NRXN3: variants seen among roughly 807,000 people sequenced by gnomAD.
NRXN3 encodes neurexin 3.
In NRXN3, 32 loss-of-function variants were observed where a neutral mutation model predicts 137.6. The observed-to-expected ratio is 0.23, with a 90% CI of 0.18 to 0.31. NRXN3 has a LOEUF of 0.31. Ranked by LOEUF, NRXN3 falls within the 10% of genes least tolerant of loss-of-function variation. NRXN3 has a pLI of 1.00. For synonymous variants in NRXN3, 798 were observed against 784.5 expected, an observed-to-expected ratio of 1.02 and a Z score of -0.29; for missense variants, 1,574 against 2,062.5, an observed-to-expected ratio of 0.76 and a Z score of 4.59.
At chr14:79,641,871 A>G (rs115673774) in intron 16 of NRXN3, among the ~76,000 whole-genome samples, 1,667 of 135,330 alleles carry the variant, frequency 0.012, 136 homozygotes, top group African/African-American at 0.039. Flanking sequence ...AAAGTCTATC[A>G]TTATTCAAAA....
intron 19 of NRXN3, among the ~76,000 whole-genome samples, chr14:79,772,859 A>T (rs2099083424): frequency 6.6e-6 from 1 of 152,182 alleles, no homozygotes; most frequent in African/African-American, 2.4e-5. Flanking sequence ...AATGGGAGAA[A>T]ATTTTCACAA....
intron 15 of NRXN3, among the ~76,000 whole-genome samples, chr14:79,284,343 C>CACATAT (rs1555354907): frequency 1.5e-5 from 1 of 65,086 alleles, no homozygotes; most frequent in Non-Finnish European, 2.9e-5. Flanking sequence ...ACTAAAAATA[C>CACATAT]ATATATATAT....
At position 78,651,152 on chromosome 14, in the gene NRXN3, G is replaced by A. The variant is rs765133705; in HGVS notation, c.1060-13G>A. The A allele has an allele frequency of 5.6e-6, 9 of 1,610,580 alleles. No individual in the cohort carries two copies. The South Asian group carries it at 6.6e-5, about 12-fold the overall frequency. ...TTGTTGGGATTTTTTTTGTCCCTAT[G>A]TCCCTCCACCAGGTGACAATCTCTG... is the stretch of plus-strand genomic sequence containing the variant. On this transcript the variant is annotated splice_polypyrimidine_tract_variant and intron_variant, in intron 5 of 20. Coordinates refer to ENST00000335750, the MANE Select transcript of NRXN3 (RefSeq NM_001330195.2).
At chr14:79,733,674 GT>G (rs57329051) in intron 19 of NRXN3, among the ~76,000 whole-genome samples, 14,034 of 125,040 alleles carry the variant, frequency 0.11, 824 homozygotes, top group South Asian at 0.19. Flanking sequence ...TGCTGTTGTT[GT>G]TTTTTTTTTT....
At chr14:78,437,633 T>C (rs2094117584) in intron 4 of NRXN3, among the ~76,000 whole-genome samples, 1 of 152,158 alleles carries the variant, frequency 6.6e-6, no homozygotes, top group African/African-American at 2.4e-5. Context: ...ACAGGTGTGA[T>C]GAGCCCAGCC....
At chr14:79,498,522 T>A (rs572683607) in intron 16 of NRXN3, among the ~76,000 whole-genome samples, 1 of 152,314 alleles carries the variant, frequency 6.6e-6, no homozygotes, top group South Asian at 2.1e-4. Flanking sequence ...TACAGAGTGA[T>A]CCTTGTCTCA....
intron 4 of NRXN3, among the ~76,000 whole-genome samples, chr14:78,563,498 A>G (rs759866755): frequency 6.6e-6 from 1 of 152,172 alleles, no homozygotes; most frequent in Non-Finnish European, 1.5e-5. Context: ...TCTTACCTAG[A>G]TCCATCCCCT....
intron 4 of NRXN3, among the ~76,000 whole-genome samples, chr14:78,556,534 G>T (rs8003165): frequency 0.31 from 46,757 of 151,774 alleles, 7,385 homozygotes; most frequent in Middle Eastern, 0.35. Flanking sequence ...AAATAATAAT[G>T]CATATACTAA....
intron 15 of NRXN3, among the ~76,000 whole-genome samples, chr14:79,393,329 T>TA (rs1305420543): frequency 6.6e-6 from 1 of 152,170 alleles, no homozygotes; most frequent in Non-Finnish European, 1.5e-5. Context: ...AATATTCCAC[T>TA]TGCCATTTAC....
intron 15 of NRXN3, among the ~76,000 whole-genome samples, chr14:79,106,781 T>C (rs1430547748): frequency 6.6e-6 from 1 of 152,078 alleles, no homozygotes; most frequent in Non-Finnish European, 1.5e-5. Flanking sequence ...CTTATAAAAT[T>C]CACCAAATAG....
intron 4 of NRXN3, among the ~76,000 whole-genome samples, chr14:78,327,432 C>CT (rs1258266292): frequency 1.3e-5 from 2 of 152,110 alleles, no homozygotes; most frequent in African/African-American, 4.8e-5. Context: ...TTCTTAGGAG[C>CT]TTTTTGTAGC....
rs139392061 is a variant in NRXN3 at position 79,241,258 on chromosome 14, A to G, written c.3263-225963A>G. 2.2e-4 allele frequency among the ~76,000 whole-genome samples: 34 copies of G among 152,292 alleles called. 1 individual carries two copies. In the East Asian group the frequency reaches 4.3e-3, roughly 19 times the overall value. On this transcript the variant is annotated intron_variant, in intron 15 of 20. Coordinates refer to ENST00000335750, the MANE Select transcript of NRXN3 (RefSeq NM_001330195.2). The stretch of plus-strand genomic sequence containing the variant: ...ACATAGTCCTCCAGAGTGAGTTACT[A>G]TGTAGCTTAGTTTCATCAAAAAGAG...
chr14:78,501,754 C>T (rs1486846771), intron 4 of NRXN3, among the ~76,000 whole-genome samples: 1 of 152,086 alleles, frequency 6.6e-6, no homozygotes, highest in Non-Finnish European at 1.5e-5. Context: ...TAGCTGTCCA[C>T]CCTTTTTATA....
At chr14:78,483,825 C>T (rs1167200960) in intron 4 of NRXN3, among the ~76,000 whole-genome samples, 2 of 152,124 alleles carry the variant, frequency 1.3e-5, no homozygotes, top group Middle Eastern at 3.4e-3. Context: ...AAACTGAGGC[C>T]TAGAGAAGTA....
At chr14:78,660,087 A>G (rs2097824792) in intron 6 of NRXN3, among the ~76,000 whole-genome samples, 1 of 152,016 alleles carries the variant, frequency 6.6e-6, no homozygotes, top group African/African-American at 2.4e-5. Context: ...GGCTGTAAAA[A>G]AGTGGTATGG....
intron 8 of NRXN3, among the ~76,000 whole-genome samples, chr14:78,730,397 C>T (rs1200066229): frequency 2.0e-5 from 3 of 152,200 alleles, no homozygotes; most frequent in Admixed American, 6.5e-5. Context: ...TTTATCCCCC[C>T]TATTCTTCAT....
chr14:79,855,232 CT>C (rs1156548104), intron 20 of NRXN3, among the ~76,000 whole-genome samples: 1 of 152,174 alleles, frequency 6.6e-6, no homozygotes, highest in East Asian at 1.9e-4. Context: ...TGAACCAATG[CT>C]GCCTTATGTA....
intron 10 of NRXN3, among the ~76,000 whole-genome samples, chr14:78,942,900 T>C (rs1412091871): frequency 2.0e-5 from 3 of 150,388 alleles, no homozygotes; most frequent in Non-Finnish European, 4.4e-5. Context: ...TATTTTTCAG[T>C]TAAAAAAGGA....
At chr14:79,262,577 G>T (rs939943723) in intron 15 of NRXN3, among the ~76,000 whole-genome samples, 2 of 151,924 alleles carry the variant, frequency 1.3e-5, no homozygotes, top group South Asian at 2.1e-4. Context: ...AGAAGAAGAA[G>T]AATAACAAGA....
Sources: allele counts gnomAD v4.1 joint callset (sites outside exome capture counted in the v4.1 genomes callset), GRCh38; gene constraint gnomAD v4.1.1; transcripts MANE v1.5; gene names NCBI Gene and HGNC (gene_info 2026-07-23, HGNC 2026-07-21).